STK3: variants seen among roughly 807,000 people sequenced by gnomAD.
STK3 encodes the protein serine/threonine-protein kinase 3.
A neutral mutation model predicts 58.0 loss-of-function variants in STK3; 41 were observed. The observed-to-expected ratio is 0.71, with a 90% confidence interval of 0.55 to 0.92. The LOEUF (loss-of-function observed/expected upper bound fraction) is 0.92. Among genes scored for constraint, STK3 ranks in the 40% least tolerant of loss-of-function variants. STK3 has a pLI of 0.00. For missense variants in STK3, 479 were observed against 602.7 expected, an observed-to-expected ratio of 0.79 and a Z score of 2.15; for synonymous variants, 170 against 191.0, an observed-to-expected ratio of 0.89 and a Z score of 0.91.
intron 4 of STK3, among the ~76,000 whole-genome samples, chr8:98,723,981 C>T (rs763332003): frequency 6.6e-6 from 1 of 152,140 alleles, no homozygotes; most frequent in African/African-American, 2.4e-5. Context: ...TAGTCAGCCA[C>T]TCCACAGGTT....
At chr8:98,522,044 A>C (rs1825404381) in intron 10 of STK3, among the ~76,000 whole-genome samples, 1 of 152,206 alleles carries the variant, frequency 6.6e-6, no homozygotes, top group African/African-American at 2.4e-5. Flanking sequence ...ATATTTGTTA[A>C]ATTAGCTTAA....
intron 4 of STK3, among the ~76,000 whole-genome samples, chr8:98,736,466 A>G (rs1828606032): frequency 6.6e-6 from 1 of 152,236 alleles, no homozygotes; most frequent in Non-Finnish European, 1.5e-5. Context: ...CTGTACAGGA[A>G]GAAAGGAGGT....
At chr8:98,568,580 A>C (rs1812702681) in intron 8 of STK3, among the ~76,000 whole-genome samples, 1 of 152,210 alleles carries the variant, frequency 6.6e-6, no homozygotes, top group South Asian at 2.1e-4. Flanking sequence ...CATTTGAAGA[A>C]AGCCCATAAA....
At chr8:98,665,860 C>T (rs1342006147) in intron 6 of STK3, among the ~76,000 whole-genome samples, 3 of 152,038 alleles carry the variant, frequency 2.0e-5, no homozygotes, top group African/African-American at 4.8e-5. Context: ...CCCGCCACCA[C>T]GCCCGGCTAA....
At chr8:98,732,071 ACTG>A (rs1828249386) in intron 4 of STK3, among the ~76,000 whole-genome samples, 2 of 151,960 alleles carry the variant, frequency 1.3e-5, no homozygotes. Context: ...TTAAAATATA[ACTG>A]CTAAAATAAA....
chr8:98,688,975 G>GT (rs1280980869), intron 6 of STK3, among the ~76,000 whole-genome samples: 8 of 152,042 alleles, frequency 5.3e-5, no homozygotes, highest in African/African-American at 4.8e-5. Context: ...CAAAAAATTG[G>GT]TTTTTTGAAA....
chr8:98,579,463 T>C (rs558186396), intron 8 of STK3, among the ~76,000 whole-genome samples: 1 of 152,286 alleles, frequency 6.6e-6, no homozygotes, highest in Admixed American at 6.5e-5. Flanking sequence ...CTATCAACAT[T>C]ACATTCCACT....
intron 6 of STK3, among the ~76,000 whole-genome samples, chr8:98,641,764 A>T (rs1266094273): frequency 6.6e-6 from 1 of 152,232 alleles, no homozygotes; most frequent in Non-Finnish European, 1.5e-5. Flanking sequence ...TGAAGAGTAG[A>T]GGGGAAGAAG....
intron 6 of STK3, among the ~76,000 whole-genome samples, chr8:98,653,218 G>C (rs1200361485): frequency 6.6e-6 from 1 of 152,150 alleles, no homozygotes; most frequent in African/African-American, 2.4e-5. Flanking sequence ...TGAACAACCT[G>C]CTCCTGAATG....
chr8:98,853,376 A>C (rs559383054), intron 3 of STK3, among the ~76,000 whole-genome samples: 1 of 152,336 alleles, frequency 6.6e-6, no homozygotes, highest in East Asian at 1.9e-4. Context: ...AAGTTGGTTC[A>C]GTACCAGGGA....
In STK3 at chr8:98,402,720, T is replaced by G. The variant is rs768842065; in HGVS notation, n.484-1207A>C. ...GCCAGCCAGGCGAGGAGGACATGCC[T>G]TGGGAACAGTCTGTGCTTGTTCCCT... On this transcript the variant is annotated intron_variant and non_coding_transcript_variant, in intron 3 of 3. Coordinates refer to the STK3 transcript ENST00000517832. Among the ~76,000 whole-genome samples, 175 of 152,310 alleles carry G rather than the reference T, an allele frequency of 1.1e-3. 3 individuals carry two copies. Among genetic ancestry groups the G allele is most frequent in the Middle Eastern group, 3.4e-3 (1 of 294 alleles).
intron 8 of STK3, among the ~76,000 whole-genome samples, chr8:98,575,231 G>A (rs1264541539): frequency 1.3e-5 from 2 of 152,108 alleles, no homozygotes; most frequent in Admixed American, 6.6e-5. Flanking sequence ...TGCGGCCAGA[G>A]GATAGTCTGA....
intron 10 of STK3, among the ~76,000 whole-genome samples, chr8:98,511,250 G>T (rs1824490733): frequency 1.3e-5 from 2 of 151,688 alleles, no homozygotes. Context: ...ACTTCAAATG[G>T]AATATCTAAT....
chr8:98,477,059 G>A (rs1821370977), intron 10 of STK3, among the ~76,000 whole-genome samples: 1 of 152,164 alleles, frequency 6.6e-6, no homozygotes, highest in South Asian at 2.1e-4. Flanking sequence ...CATCAAGGAC[G>A]GGAAGCTGAG....
chr8:98,589,937 A>G (rs988349018), intron 7 of STK3, among the ~76,000 whole-genome samples: 38 of 152,186 alleles, frequency 2.5e-4, no homozygotes, highest in Admixed American at 1.6e-3. Context: ...GAGTGAGGCA[A>G]TGCCTCGCCC....
At chr8:98,508,097 C>G (rs946403432) in intron 10 of STK3, among the ~76,000 whole-genome samples, 1 of 152,040 alleles carries the variant, frequency 6.6e-6, no homozygotes. Context: ...TTATTTGTTG[C>G]TATATCATGA....
At chr8:98,590,571 G>A (rs746718553) in intron 7 of STK3, among the ~76,000 whole-genome samples, 4 of 152,204 alleles carry the variant, frequency 2.6e-5, no homozygotes, top group South Asian at 2.1e-4. Flanking sequence ...GCAGGAGGAC[G>A]GGGGATTGAT....
intron 3 of STK3, among the ~76,000 whole-genome samples, chr8:98,858,257 C>A (rs58802406): frequency 8.5e-6 from 1 of 117,258 alleles, no homozygotes; most frequent in African/African-American, 3.3e-5. Flanking sequence ...TGGCATGCAC[C>A]TATAGTCCCA....
At chr8:98,863,013 G>C (rs1045872224) in intron 3 of STK3, among the ~76,000 whole-genome samples, 14 of 152,304 alleles carry the variant, frequency 9.2e-5, no homozygotes, top group African/African-American at 3.4e-4. Context: ...ACTGATGATG[G>C]CCAGGGCTGC....
Sources: gnomAD v4.1 joint callset for allele counts (sites outside exome capture counted in the v4.1 genomes callset) on GRCh38, gnomAD v4.1.1 for gene constraint, MANE v1.5 for transcripts, NCBI Gene and HGNC (gene_info 2026-07-23, HGNC 2026-07-21) for gene names.